TGFB2: variants seen among roughly 807,000 people sequenced by gnomAD.
TGFB2 encodes the protein transforming growth factor beta-2 proprotein.
In TGFB2, 13 loss-of-function variants were observed where a neutral mutation model predicts 42.7. The ratio of observed to expected loss-of-function variants is 0.30; its 90% CI spans 0.20 to 0.48. The LOEUF (loss-of-function observed/expected upper bound fraction) is 0.48, where lower values mean the gene tolerates loss of function less well. Among genes scored for constraint, TGFB2 ranks in the 20% least tolerant of loss-of-function variants. The pLI is 0.99. For synonymous variants in TGFB2, 193 were observed against 193.6 expected (o/e 1.00, Z 0.03); for missense variants, 390 against 517.5 (o/e 0.75, Z 2.39).
chr1:218,373,823 A>G (rs1199181763), intron 1 of TGFB2, among the ~76,000 whole-genome samples: 2 of 152,030 alleles, frequency 1.3e-5, no homozygotes, highest in African/African-American at 2.4e-5. Flanking sequence ...TGATAAAAGG[A>G]AAAAAAAGAC....
intron 2 of TGFB2, among the ~76,000 whole-genome samples, chr1:218,424,491 G>A (rs1659557512): frequency 1.3e-5 from 2 of 152,226 alleles, no homozygotes; most frequent in African/African-American, 4.8e-5. Flanking sequence ...CTGGGAACTT[G>A]TTAGAAATGC....
intron 1 of TGFB2, among the ~76,000 whole-genome samples, chr1:218,361,380 T>C (rs1190860027): frequency 6.6e-6 from 1 of 152,204 alleles, no homozygotes; most frequent in Non-Finnish European, 1.5e-5. Flanking sequence ...AGGTGCATAC[T>C]TGAGAACTGC....
intron 1 of TGFB2, among the ~76,000 whole-genome samples, chr1:218,385,370 A>G (rs1658099165): frequency 6.6e-6 from 1 of 152,254 alleles, no homozygotes; most frequent in Admixed American, 6.5e-5. Context: ...GGACGTGGAC[A>G]TGCATTATCG....
intron 1 of TGFB2, among the ~76,000 whole-genome samples, chr1:218,365,876 G>A (rs139561709): frequency 2.4e-4 from 36 of 152,310 alleles, no homozygotes; most frequent in Admixed American, 6.5e-4. Flanking sequence ...CCAAGGAGAT[G>A]TTGGGAGCGG....
chr1:218,404,782 A>C (rs764668574), intron 1 of TGFB2, among the ~76,000 whole-genome samples: 20 of 152,216 alleles, frequency 1.3e-4, no homozygotes, highest in Non-Finnish European at 2.4e-4. Flanking sequence ...GCCATTAGGA[A>C]CTATTTTCTT....
intron 2 of TGFB2, among the ~76,000 whole-genome samples, chr1:218,421,373 G>GT (rs5742078): frequency 0.23 from 32,897 of 145,682 alleles, 3,907 homozygotes; most frequent in African/African-American, 0.31. Context: ...CCAAGAAGCA[G>GT]TTTTTTTTTT....
rs766726662 is a variant in TGFB2, at chr1:218,436,156, A to C, written c.932+9A>C. 6.2e-7 allele frequency: 1 copy of C among 1,604,930 alleles called. No homozygotes were observed. Among genetic ancestry groups the C allele is most frequent in the Non-Finnish European group, 8.5e-7 (1 of 1,177,016 alleles). ...GCGGCCTATTGCTTTAGGTAAAGGA[A>C]AGAAAAGTAAAACCAAGTAATTGCA... is the stretch of plus-strand genomic sequence containing the variant. On this transcript the variant is annotated intron_variant, in intron 5 of 6. Transcript: ENST00000366930.
At chr1:218,390,562 T>C (rs941383251) in intron 1 of TGFB2, among the ~76,000 whole-genome samples, 20 of 152,114 alleles carry the variant, frequency 1.3e-4, no homozygotes, top group African/African-American at 3.9e-4. Context: ...CTATAGGGGC[T>C]TGCTCTCAGC....
In TGFB2 at chr1:218,441,516, T is replaced by G. The variant is rs1427800988; in HGVS notation, c.*154T>G. On this transcript the variant is annotated 3_prime_UTR_variant, in exon 7 of 7. Coordinates refer to ENST00000366930, the MANE Select transcript of TGFB2 (RefSeq NM_003238.6). The stretch of plus-strand genomic sequence containing the variant: ...AAAGGCGGTACTAGTTCAGACACTT[T>G]GGAAGTTTGTGTTCTGTTTGTTAAA... 3.1e-6 allele frequency: 2 copies of G among 639,872 alleles called. No homozygotes were observed. Among genetic ancestry groups the G allele is most frequent in the Non-Finnish European group, 4.8e-6 (2 of 418,082 alleles). The allele number at this position is 639,872 out of a possible 1,614,324, so 39.6% of individuals were successfully genotyped here.
chr1:218,434,393 A>G lies in TGFB2; in HGVS notation c.699A>G (p.Pro233=), dbSNP rs1160952317. The G allele has an allele frequency of 3.7e-6, 6 of 1,613,934 alleles. No homozygotes were observed. The highest frequency in any genetic ancestry group is 4.5e-5 in the East Asian group (2 of 44,854). ...SLHCPCCTFV[P]SNNYIIPNKS... ...ACTGTCCCTGCTGCACTTTTGTACC[A>G]TCTAATAATTACATCATCCCAAATA... The change falls in exon 4 of 7, where the codon CCA becomes CCG. Residue 233 remains proline (P), a synonymous_variant. Coordinates refer to ENST00000366930, the MANE Select transcript of TGFB2 (RefSeq NM_003238.6).
At position 218,436,089 on chromosome 1, in the gene TGFB2, G is replaced by C; in HGVS notation, c.874G>C (p.Glu292Gln). The change falls in exon 5 of 7, where the codon GAG (glutamate) becomes CAG (glutamine). Residue 292 changes from glutamate (E) to glutamine (Q), a missense_variant. Coordinates refer to ENST00000366930, the MANE Select transcript of TGFB2 (RefSeq NM_003238.6). ...LLMLLPSYRL[E>Q]SQQTNRRKKR... is the part of the protein sequence containing the mutation. ...AATGTTATTGCCCTCCTACAGACTT[G>C]AGTCACAACAGACCAACCGGCGGAA... is the stretch of plus-strand genomic sequence containing the variant. 6.2e-7 allele frequency: 1 copy of C among 1,614,144 alleles called. No individual in the cohort carries two copies. The highest frequency in any genetic ancestry group is 1.1e-5 in the South Asian group (1 of 91,076).
In TGFB2 at chr1:218,437,449, G is replaced by T; in HGVS notation, c.1039G>T (p.Ala347Ser). The T allele has an allele frequency of 6.2e-7, 1 of 1,613,472 alleles. No homozygotes were observed. Among genetic ancestry groups the T allele is most frequent in the East Asian group, 2.2e-5 (1 of 44,836 alleles). ...CAAAGGGTACAATGCCAACTTCTGT[G>T]CTGGAGCATGCCCGTATTTATGGAG... Reference protein sequence around the residue: ...EPKGYNANFCAGACPYLWSSD... With the variant: ...EPKGYNANFCSGACPYLWSSD... Residue 347 changes from alanine (A) to serine (S), a missense_variant, in exon 6 of 7, where the codon GCT becomes TCT. Ala to Ser is a moderately conservative substitution (Grantham distance 99, BLOSUM62 1). Coordinates refer to ENST00000366930, the MANE Select transcript of TGFB2 (RefSeq NM_003238.6).
At chr1:218,378,811 A>G (rs1442437686) in intron 1 of TGFB2, among the ~76,000 whole-genome samples, 1 of 151,992 alleles carries the variant, frequency 6.6e-6, no homozygotes, top group Non-Finnish European at 1.5e-5. Flanking sequence ...TGAGGAAACA[A>G]TATGCATTGT....
At position 218,441,507 on chromosome 1, in the gene TGFB2, C is replaced by A; in HGVS notation, c.*145C>A. ...AATTTTTGAAAAGGCGGTACTAGTT[C>A]AGACACTTTGGAAGTTTGTGTTCTG... On this transcript the variant is annotated 3_prime_UTR_variant, in exon 7 of 7. Coordinates refer to ENST00000366930, the MANE Select transcript of TGFB2 (RefSeq NM_003238.6). 1.4e-6 allele frequency: 1 copy of A among 733,124 alleles called. No individual in the cohort carries two copies. The highest frequency in any genetic ancestry group is 2.0e-6 in the Non-Finnish European group (1 of 491,184). The allele number at this position is 733,124 out of a possible 1,614,324, so 45.4% of individuals were successfully genotyped here.
chr1:218,411,642 G>A (rs1455924276), intron 2 of TGFB2, among the ~76,000 whole-genome samples: 1 of 152,162 alleles, frequency 6.6e-6, no homozygotes, highest in East Asian at 1.9e-4. Context: ...GGCTGAGGCA[G>A]GTGGATCTCT....
At chr1:218,430,902 A>AAAGC (rs1303707444) in intron 2 of TGFB2, among the ~76,000 whole-genome samples, 3 of 152,190 alleles carry the variant, frequency 2.0e-5, no homozygotes, top group African/African-American at 7.2e-5. Context: ...TAGTTTAGAG[A>AAAGC]AAGCAAGCAA....
At chr1:218,379,487 C>CTTTTTTTTTTTTTTTTTTTTTTTT (rs59224313) in intron 1 of TGFB2, among the ~76,000 whole-genome samples, 1 of 133,414 alleles carries the variant, frequency 7.5e-6, no homozygotes, top group Non-Finnish European at 1.6e-5. Flanking sequence ...TTCTTTCTTT[C>CTTTTTTTTTTTTTTTTTTTTTTTT]TTTTTTTTTT....
intron 1 of TGFB2, among the ~76,000 whole-genome samples, chr1:218,348,433 G>T (rs1656764847): frequency 6.6e-6 from 1 of 152,182 alleles, no homozygotes. Flanking sequence ...GCCATGTCTT[G>T]TACTTGATGG....
At chr1:218,408,578 C>T (rs867566076) in intron 2 of TGFB2, among the ~76,000 whole-genome samples, 5 of 152,106 alleles carry the variant, frequency 3.3e-5, no homozygotes, top group Non-Finnish European at 5.9e-5. Flanking sequence ...AGACAAGGTC[C>T]AGAGAGCAAG....
Sources: gnomAD v4.1 joint callset for allele counts (sites outside exome capture counted in the v4.1 genomes callset) on GRCh38, gnomAD v4.1.1 for gene constraint, MANE v1.5 for transcripts, NCBI Gene and HGNC (gene_info 2026-07-23, HGNC 2026-07-21) for gene names.